SEMA3D: variants seen among roughly 807,000 people sequenced by gnomAD.
SEMA3D encodes the protein semaphorin 3D.
In SEMA3D, 84 loss-of-function variants were observed where a neutral mutation model predicts 100.1. That is an observed-to-expected ratio of 0.84 (90% CI 0.70 to 1.01). The LOEUF (loss-of-function observed/expected upper bound fraction) is 1.01, where lower values mean the gene tolerates loss of function less well. SEMA3D is among the 50% of genes least tolerant of loss of function. The pLI, the probability that SEMA3D is intolerant of heterozygous loss-of-function variation, is 0.00. For synonymous variants in SEMA3D, 312 were observed against 320.7 expected, an observed-to-expected ratio of 0.97 and a Z score of 0.29; for missense variants, 875 against 934.1, an observed-to-expected ratio of 0.94 and a Z score of 0.82.
intron 2 of SEMA3D, chr7:85,151,676 ATTTC>A (rs1241338057): frequency 1.0e-6 from 1 of 982,290 alleles, no homozygotes; most frequent in African/African-American, 1.8e-5. Flanking sequence ...ATTTAGTACT[ATTTC>A]TTTCATATTC....
At chr7:85,007,191 AAT>A (rs1283892750) in intron 17 of SEMA3D, among the ~76,000 whole-genome samples, 1 of 151,924 alleles carries the variant, frequency 6.6e-6, no homozygotes, top group Non-Finnish European at 1.5e-5. Context: ...GATTTTAAAA[AAT>A]AGTGTTCATA....
intron 2 of SEMA3D, chr7:85,141,823 A>G (rs1292286564): frequency 3.8e-6 from 3 of 782,356 alleles, no homozygotes; most frequent in Non-Finnish European, 4.7e-6. Flanking sequence ...ACTAATAACC[A>G]AAGTGGCCAC....
intron 3 of SEMA3D, among the ~76,000 whole-genome samples, chr7:85,116,475 A>G (rs940041360): frequency 6.7e-6 from 1 of 148,926 alleles, no homozygotes; most frequent in Admixed American, 6.8e-5. Context: ...ACACCTATAT[A>G]AATTGTTTTA....
intron 1 of SEMA3D, among the ~76,000 whole-genome samples, chr7:85,176,073 A>G (rs1791215991): frequency 6.6e-6 from 1 of 152,092 alleles, no homozygotes; most frequent in South Asian, 2.1e-4. Context: ...AAGTTTAAAA[A>G]AAAGAGGTAG....
intron 1 of SEMA3D, among the ~76,000 whole-genome samples, chr7:85,156,550 A>T (rs1790603267): frequency 6.6e-6 from 1 of 152,220 alleles, no homozygotes; most frequent in Non-Finnish European, 1.5e-5. Context: ...TATCGCTTTA[A>T]GACCTATGGT....
At chr7:85,107,366 A>G (rs966770407) in intron 3 of SEMA3D, among the ~76,000 whole-genome samples, 12 of 152,140 alleles carry the variant, frequency 7.9e-5, no homozygotes, top group Admixed American at 3.9e-4. Context: ...GAACTTGCAC[A>G]TACACTTTCA....
At chr7:85,132,343 T>G (rs1562830223) in intron 2 of SEMA3D, among the ~76,000 whole-genome samples, 1 of 151,942 alleles carries the variant, frequency 6.6e-6, no homozygotes, top group African/African-American at 2.4e-5. Flanking sequence ...GATATCATAT[T>G]GAGATTGAAT....
chr7:85,088,263 T>A (rs557485421), intron 4 of SEMA3D, among the ~76,000 whole-genome samples: 1 of 152,164 alleles, frequency 6.6e-6, no homozygotes, highest in South Asian at 2.1e-4. Context: ...TAAGACTTTA[T>A]AACAACATCC....
chr7:85,097,410 T>C (rs769542482), intron 4 of SEMA3D, among the ~76,000 whole-genome samples: 10 of 151,878 alleles, frequency 6.6e-5, no homozygotes, highest in African/African-American at 9.7e-5. Flanking sequence ...TGCTTATTTG[T>C]GAACTGAAAG....
At chr7:85,241,322 G>T in the SEMA3D span, among the ~76,000 whole-genome samples, 1 of 151,140 alleles carries the variant, frequency 6.6e-6, no homozygotes, top group Non-Finnish European at 1.5e-5. Context: ...CCAGATAGTG[G>T]GTATCTACCC....
the SEMA3D span, among the ~76,000 whole-genome samples, chr7:85,196,341 AAAACAAAC>A: frequency 1.8e-3 from 268 of 151,918 alleles, 3 homozygotes; most frequent in Middle Eastern, 0.014. Flanking sequence ...TATCATTTAG[AAAACAAAC>A]AAACAAACAA....
At chr7:85,143,709 A>G (rs1013794815) in intron 2 of SEMA3D, among the ~76,000 whole-genome samples, 8 of 148,740 alleles carry the variant, frequency 5.4e-5, no homozygotes, top group African/African-American at 2.0e-4. Flanking sequence ...TAGTAAAAAT[A>G]TAATATGAGA....
the SEMA3D span, among the ~76,000 whole-genome samples, chr7:85,250,195 C>T: frequency 2.0e-5 from 3 of 151,116 alleles, no homozygotes; most frequent in Admixed American, 6.6e-5. Flanking sequence ...GATTATAACC[C>T]GCACCTGGCT....
chr7:85,082,200 T>C (rs946475424), intron 4 of SEMA3D, among the ~76,000 whole-genome samples: 5 of 152,200 alleles, frequency 3.3e-5, no homozygotes, highest in Non-Finnish European at 5.9e-5. Context: ...AAATAACGTG[T>C]TGAGGACCAC....
At chr7:85,153,330 T>A (rs1312777133) in intron 2 of SEMA3D, among the ~76,000 whole-genome samples, 4 of 152,174 alleles carry the variant, frequency 2.6e-5, no homozygotes, top group African/African-American at 9.6e-5. Flanking sequence ...GTCATTAAGA[T>A]GATACAGCAG....
Position 85,111,974 on chromosome 7 carries a change from C to T in SEMA3D, c.151+9767G>A, listed in dbSNP as rs921974872. ...TTTGTGAAAATATTCTCTCAGTAAGCGCTTTCCTGACCACAATATTTGATT... is the reference window on the plus strand; with the variant it reads ...TTTGTGAAAATATTCTCTCAGTAAGTGCTTTCCTGACCACAATATTTGATT... On this transcript the variant is annotated intron_variant, in intron 3 of 18. Coordinates refer to ENST00000284136, the MANE Select transcript of SEMA3D (RefSeq NM_001384900.1). Among the ~76,000 whole-genome samples, 8 of 152,198 alleles carry T rather than the reference C, an allele frequency of 5.3e-5. 1 individual carries two copies. Among genetic ancestry groups the T allele is most frequent in the South Asian group, 2.1e-4 (1 of 4,828 alleles).
chr7:85,198,519 G>A, the SEMA3D span, among the ~76,000 whole-genome samples: 1 of 151,858 alleles, frequency 6.6e-6, no homozygotes, highest in South Asian at 2.1e-4. Flanking sequence ...TTCTGTAGAA[G>A]TATAACCTTC....
At chr7:85,128,884 CT>C (rs5885451) in intron 2 of SEMA3D, among the ~76,000 whole-genome samples, 71,212 of 89,474 alleles carry the variant, frequency 0.8, 28,003 homozygotes, top group East Asian at 0.88. Flanking sequence ...TATTTTTTTC[CT>C]TTTTTTTTTT....
In SEMA3D at chr7:85,008,913, G is replaced by T. The variant is rs1789875643; in HGVS notation, c.1769-1972C>A. ...ATTACCTGAAGGCTATGCGTATAAG[G>T]TGTATATGAAATATAAATAAATTTT... On this transcript the variant is annotated intron_variant, in intron 17 of 18. Coordinates refer to ENST00000284136, the MANE Select transcript of SEMA3D (RefSeq NM_001384900.1). 2.6e-5 allele frequency among the ~76,000 whole-genome samples: 4 copies of T among 151,762 alleles called. No homozygotes were observed. In the South Asian group the frequency reaches 6.2e-4, roughly 24 times the overall value.
Sources: allele counts gnomAD v4.1 joint callset (sites outside exome capture counted in the v4.1 genomes callset), GRCh38; gene constraint gnomAD v4.1.1; transcripts MANE v1.5; gene names NCBI Gene and HGNC (gene_info 2026-07-23, HGNC 2026-07-21).